Variants in GLT8D2 observed in about 807,000 individuals in gnomAD.
The protein encoded by GLT8D2 is glycosyltransferase 8 domain-containing protein 2.
Under a neutral mutation model 44.5 loss-of-function variants are expected in GLT8D2, and 45 were observed. The ratio of observed to expected loss-of-function variants is 1.01; its 90% confidence interval spans 0.80 to 1.30. The LOEUF is 1.30. GLT8D2 is among the 50% of genes most tolerant of loss of function. GLT8D2 has a pLI of 0.00. For missense variants in GLT8D2, 400 were observed against 430.4 expected (o/e 0.93, Z 0.62); for synonymous variants, 156 against 157.2 (o/e 0.99, Z 0.06).
At chr12:104,048,406 T>C (rs544921305) in intron 1 of GLT8D2, among the ~76,000 whole-genome samples, 1 of 152,320 alleles carries the variant, frequency 6.6e-6, no homozygotes, top group Non-Finnish European at 1.5e-5. Context: ...GAGGGTAATA[T>C]AGTTCACAGA....
intron 1 of GLT8D2, among the ~76,000 whole-genome samples, chr12:104,029,068 G>C (rs1878922388): frequency 6.6e-6 from 1 of 152,156 alleles, no homozygotes; most frequent in Non-Finnish European, 1.5e-5. Context: ...GAGGCAGGTG[G>C]ATCATGAGGT....
At chr12:104,016,683 A>AAAAGAAAG (rs55931007) in intron 3 of GLT8D2, among the ~76,000 whole-genome samples, 8 of 110,530 alleles carry the variant, frequency 7.2e-5, no homozygotes, top group African/African-American at 2.1e-4. Flanking sequence ...AGAGAGAAAG[A>AAAAGAAAG]AAAGAAAGAA....
chr12:104,012,861 G>C, intron 4 of GLT8D2: 1 of 693,230 alleles, frequency 1.4e-6, no homozygotes, highest in Non-Finnish European at 2.6e-6. Flanking sequence ...ATCACACAGA[G>C]GGTCACAGCC....
chr12:104,042,109 A>G (rs1880625371), intron 1 of GLT8D2, among the ~76,000 whole-genome samples: 1 of 152,168 alleles, frequency 6.6e-6, no homozygotes, highest in Non-Finnish European at 1.5e-5. Context: ...CTGTTTCCAT[A>G]TGAGAGAGAG....
chr12:104,030,058 T>G (rs1000183104), intron 1 of GLT8D2, among the ~76,000 whole-genome samples: 2 of 152,064 alleles, frequency 1.3e-5, no homozygotes, highest in African/African-American at 4.8e-5. Flanking sequence ...GGAACAAAAC[T>G]GAAGGCATCA....
At chr12:104,023,758 A>G (rs1024716953) in intron 1 of GLT8D2, among the ~76,000 whole-genome samples, 3 of 152,200 alleles carry the variant, frequency 2.0e-5, no homozygotes, top group African/African-American at 7.2e-5. Context: ...TGTCTTTTCC[A>G]GAATGTCATA....
chr12:104,041,053 G>C (rs539120123), intron 1 of GLT8D2, among the ~76,000 whole-genome samples: 37 of 151,762 alleles, frequency 2.4e-4, no homozygotes, highest in African/African-American at 5.3e-4. Flanking sequence ...GATCACTTGA[G>C]GTCAGGAGTT....
intron 4 of GLT8D2, among the ~76,000 whole-genome samples, chr12:104,007,888 C>A (rs949375154): frequency 6.6e-6 from 1 of 152,138 alleles, no homozygotes; most frequent in Non-Finnish European, 1.5e-5. Context: ...GTAGTTTTAT[C>A]AGGGGTTTCT....
intron 10 of GLT8D2, among the ~76,000 whole-genome samples, chr12:103,991,567 T>C (rs191072097): frequency 6.6e-6 from 1 of 152,312 alleles, no homozygotes; most frequent in Non-Finnish European, 1.5e-5. Context: ...ATCTAAGCTC[T>C]GCATAACTGT....
chr12:103,995,458 A>C (rs985158529), intron 8 of GLT8D2, among the ~76,000 whole-genome samples: 2 of 152,138 alleles, frequency 1.3e-5, no homozygotes, highest in East Asian at 3.8e-4. Context: ...AACCATCTGC[A>C]CAGGTGGTTC....
At chr12:104,001,726 T>C (rs1468491511) in intron 5 of GLT8D2, among the ~76,000 whole-genome samples, 1 of 152,184 alleles carries the variant, frequency 6.6e-6, no homozygotes, top group Non-Finnish European at 1.5e-5. Context: ...TTTTTGGAGA[T>C]GCAGTCTCAC....
At chr12:104,010,960 G>A (rs745698837) in intron 4 of GLT8D2, among the ~76,000 whole-genome samples, 2 of 152,214 alleles carry the variant, frequency 1.3e-5, no homozygotes, top group Non-Finnish European at 2.9e-5. Context: ...TAAAAGGAAA[G>A]TGTCCTCATA....
In GLT8D2 at chr12:104,015,393, AACACACACACAC is replaced by A. The variant is rs55732553; in HGVS notation, c.20-300_20-289del. Among the ~76,000 whole-genome samples the A allele has an allele frequency of 4.6e-4, 58 of 126,182 alleles. 1 individual carries two copies. Among genetic ancestry groups the A allele is most frequent in the East Asian group, 9.2e-4 (4 of 4,344 alleles). 82.8% of individuals were successfully genotyped at this position (126,182 alleles called of 152,430 possible). Reference sequence around the variant, plus strand: ...GTGGGACCCTGTCTCAACAACAACAAACACACACACACACACACACACACACACACACACACA... The same window carrying A: ...GTGGGACCCTGTCTCAACAACAACAAACACACACACACACACACACACACA... On this transcript the variant is annotated intron_variant, in intron 3 of 10. Transcript: ENST00000360814.
intron 4 of GLT8D2, among the ~76,000 whole-genome samples, chr12:104,008,872 G>A (rs897329435): frequency 1.3e-4 from 20 of 152,284 alleles, no homozygotes; most frequent in Non-Finnish European, 2.2e-4. Flanking sequence ...AGCCTTGGCA[G>A]CTTCCACGTG....
At chr12:103,993,699 A>G (rs116993466) in intron 9 of GLT8D2, among the ~76,000 whole-genome samples, 195 bp from the exon 10 acceptor site, 10,347 of 152,316 alleles carry the variant, frequency 0.068, 508 homozygotes, top group South Asian at 0.12. Context: ...ATGAACTCCT[A>G]TATACATCAC....
intron 10 of GLT8D2, among the ~76,000 whole-genome samples, chr12:103,990,331 TA>T (rs1872602756): frequency 6.6e-6 from 1 of 151,980 alleles, no homozygotes; most frequent in Non-Finnish European, 1.5e-5. Flanking sequence ...CAGTCTTGTC[TA>T]AATATAAAAT....
chr12:104,016,872 AAGAAAG>A (rs1876921588), intron 3 of GLT8D2, among the ~76,000 whole-genome samples: 1 of 150,466 alleles, frequency 6.6e-6, no homozygotes, highest in Non-Finnish European at 1.5e-5. Context: ...GAAAGAAAGA[AAGAAAG>A]AAAGAAAAAT....
At chr12:104,052,249 AGATATGAACTTT>A (rs1345623610), upstream of GLT8D2, among the ~76,000 whole-genome samples, 1 of 152,244 alleles carries the variant, frequency 6.6e-6, no homozygotes, top group Non-Finnish European at 1.5e-5. Context: ...GGGTTTTCTT[AGATATGAACTTT>A]GAAGGTGGGA....
At chr12:104,044,977 C>G (rs1880929949) in intron 1 of GLT8D2, among the ~76,000 whole-genome samples, 3 of 152,370 alleles carry the variant, frequency 2.0e-5, no homozygotes, top group Admixed American at 2.0e-4. Context: ...CATCATGACA[C>G]TTCTCCCCCT....
Sources: gnomAD v4.1 joint callset for allele counts (sites outside exome capture counted in the v4.1 genomes callset) on GRCh38, gnomAD v4.1.1 for gene constraint, MANE v1.5 for transcripts, NCBI Gene and HGNC (gene_info 2026-07-23, HGNC 2026-07-21) for gene names.